The following DHX16 variants were observed in gnomAD, a reference collection of about 807,000 sequenced individuals.
The protein encoded by DHX16 is DEAH-box helicase 16, also known as pre-mRNA-splicing factor ATP-dependent RNA helicase DHX16.
A neutral mutation model predicts 131.2 loss-of-function variants in DHX16; 81 were observed. The observed-to-expected ratio is 0.62, with a 90% CI of 0.52 to 0.74. The LOEUF (loss-of-function observed/expected upper bound fraction) is 0.74. Ranked by LOEUF, DHX16 falls within the 30% of genes least tolerant of loss-of-function variation. The pLI is 0.00. For missense variants in DHX16, 980 were observed against 1,363.1 expected (o/e 0.72, Z 4.43); for synonymous variants, 440 against 520.2 (o/e 0.85, Z 2.10).
intron 19 of DHX16, among the ~76,000 whole-genome samples, chr6:30,653,636 G>A (rs28459331): frequency 3.6e-4 from 1 of 2,742 alleles, no homozygotes; most frequent in African/African-American, 3.0e-3. Context: ...CCAAAGTGCT[G>A]GGATGGTTTA....
At chr6:30,655,062 A>G (rs1378384379) in intron 18 of DHX16, 113 bp downstream of exon 18, 3 of 1,481,622 alleles carry the variant, frequency 2.0e-6, no homozygotes, top group Non-Finnish European at 2.8e-6. Flanking sequence ...CACGTCATAC[A>G]CAAGGGGAAG....
In DHX16 at chr6:30,670,391, C is replaced by A. The variant is rs770188756; in HGVS notation, c.666+19G>T. Reference sequence around the variant, plus strand: ...TCCTTTTGTCTTCTGATCTTGGCTCCCTAGGCCCTGGGACTCACCATGGCC... The same window carrying A: ...TCCTTTTGTCTTCTGATCTTGGCTCACTAGGCCCTGGGACTCACCATGGCC... On this transcript the variant is annotated intron_variant, in intron 4 of 19. Transcript: ENST00000376442. The surrounding 1 kb of genome is among the most constrained non-coding windows in gnomAD (Gnocchi z 4.4). 4 of 1,604,462 alleles carry A rather than the reference C, an allele frequency of 2.5e-6. No homozygotes were observed. Among genetic ancestry groups the A allele is most frequent in the Non-Finnish European group, 3.4e-6 (4 of 1,174,802 alleles).
intron 4 of DHX16, among the ~76,000 whole-genome samples, chr6:30,666,819 GC>G (rs1299736252): frequency 1.3e-5 from 2 of 151,956 alleles, no homozygotes; most frequent in Non-Finnish European, 2.9e-5. Context: ...TAAAAAAAAA[GC>G]CCCTCTGCTG....
Position 30,670,956 on chromosome 6 carries a change from C to A in DHX16, c.447-4G>T, listed in dbSNP as rs562031026. 6.2e-7 allele frequency: 1 copy of A among 1,612,974 alleles called. No individual in the cohort carries two copies. Among genetic ancestry groups the A allele is most frequent in the Non-Finnish European group, 8.5e-7 (1 of 1,180,030 alleles). ...CTCTGTCTGCTGTTTACTCCCCCTG[C>A]AGCCCATCCAGGGGATTAAATAAGG... On this transcript the variant is annotated splice_polypyrimidine_tract_variant and splice_region_variant and intron_variant, in intron 2 of 19. Coordinates refer to ENST00000376442, the MANE Select transcript of DHX16 (RefSeq NM_003587.5). This position sits in a 1 kb window ranked among gnomAD's most constrained non-coding sequence, Gnocchi z 4.4.
intron 4 of DHX16, among the ~76,000 whole-genome samples, chr6:30,669,312 T>A (rs1411061418): frequency 6.6e-6 from 1 of 151,878 alleles, no homozygotes. Flanking sequence ...TCCCAGCTAC[T>A]CAGGAGGCTG....
chr6:30,656,656 G>A lies in DHX16; in HGVS notation c.2252C>T (p.Thr751Ile), dbSNP rs536496808. The A allele has an allele frequency of 1.9e-6, 3 of 1,614,132 alleles. No individual in the cohort carries two copies. The South Asian group carries it at 3.3e-5, about 18-fold the overall frequency. The stretch of plus-strand genomic sequence containing the variant: ...GCTGGTCCTCTGGATCTCAGGCACT[G>A]TGGTTTCCTCAAGCTCGTGCTGATA... Reference protein sequence around the residue: ...WAYQHELEETTVPEIQRTSLG... With the variant: ...WAYQHELEETIVPEIQRTSLG... The change falls in exon 14 of 20, where the codon ACA (threonine) becomes ATA (isoleucine). Residue 751 changes from threonine (T) to isoleucine (I), a missense_variant. This residue lies in a region of DHX16 where 309 missense variants were observed against 537.1 expected (regional missense o/e 0.58). Coordinates refer to ENST00000376442, the MANE Select transcript of DHX16 (RefSeq NM_003587.5). The surrounding 1 kb of genome is among the most constrained non-coding windows in gnomAD (Gnocchi z 5.1).
chr6:30,668,695 A>G (rs1456794031), intron 4 of DHX16, among the ~76,000 whole-genome samples: 1 of 152,046 alleles, frequency 6.6e-6, no homozygotes, highest in Admixed American at 6.6e-5. Flanking sequence ...CAGTAACACC[A>G]CTACCACCAC....
rs779490509 is a variant in DHX16 at position 30,655,216 on chromosome 6, C to G, written c.2782G>C (p.Gly928Arg). 15 of 1,614,080 alleles carry G rather than the reference C, an allele frequency of 9.3e-6. No individual in the cohort carries two copies. The African/African-American group carries it at 1.9e-4, about 20-fold the overall frequency. Residue 928 changes from glycine (G) to arginine (R), a missense_variant, in exon 18 of 20, where the codon GGT becomes CGT. Coordinates refer to ENST00000376442, the MANE Select transcript of DHX16 (RefSeq NM_003587.5). ...TAGTCCCCCTGGCAGGAACTGAGAC[C>G]AACTTCCACACGTTCCAAGAGCCCT... ...LEGLLERVEV[G>R]LSSCQGDYIR... is the part of the protein sequence containing the mutation.
At chr6:30,660,530 T>C (rs1055169950) in intron 9 of DHX16, 10 of 361,228 alleles carry the variant, frequency 2.8e-5, no homozygotes, top group African/African-American at 1.7e-4. Context: ...TACCCTCTAG[T>C]TCAGTCAAGA....
At chr6:30,660,276 G>A in intron 9 of DHX16, 34 bp from the exon 10 acceptor site, 1 of 1,491,526 alleles carries the variant, frequency 6.7e-7, no homozygotes, top group Non-Finnish European at 9.0e-7. Context: ...TGAGGGAAGA[G>A]CGCTAGGCAA....
Position 30,662,544 on chromosome 6 carries a change from A to G in DHX16, c.1544+83T>C. The G allele has an allele frequency of 8.3e-7, 1 of 1,204,650 alleles. No individual in the cohort carries two copies. The highest frequency in any genetic ancestry group is 1.2e-6 in the Non-Finnish European group (1 of 822,972). 74.6% of individuals were successfully genotyped at this position (1,204,650 alleles called of 1,614,324 possible). ...AGGACCATTTGAACCACAAAGATTCAAGAACGGGTGGATTAATCAGAAGAC... is the reference window on the plus strand; with the variant it reads ...AGGACCATTTGAACCACAAAGATTCGAGAACGGGTGGATTAATCAGAAGAC... On this transcript the variant is annotated intron_variant, in intron 9 of 19. Transcript: ENST00000376442. This position sits in a 1 kb window ranked among gnomAD's most constrained non-coding sequence, Gnocchi z 4.7.
rs751750669 is a variant in DHX16, at chr6:30,656,413, T to C, written c.2408A>G (p.Asn803Ser). ...LEQLYALGAL[N>S]HLGELTTSGR... ...CACCGTGGTGAGCTCCCCAAGGTGGTTGAGGGCTCCCAGAGCATACAGCTG... is the reference window on the plus strand; with the variant it reads ...CACCGTGGTGAGCTCCCCAAGGTGGCTGAGGGCTCCCAGAGCATACAGCTG... The change falls in exon 15 of 20, where the codon AAC (asparagine) becomes AGC (serine). Residue 803 changes from asparagine to serine, a missense_variant. Transcript: ENST00000376442. This position sits in a 1 kb window ranked among gnomAD's most constrained non-coding sequence, Gnocchi z 5.1. The C allele has an allele frequency of 8.1e-6, 13 of 1,614,092 alleles. No homozygotes were observed. Among genetic ancestry groups the C allele is most frequent in the Non-Finnish European group, 1.1e-5 (13 of 1,179,998 alleles).
At chr6:30,655,363 G>C in intron 17 of DHX16, 27 bp from the exon 18 acceptor site, 1 of 1,613,796 alleles carries the variant, frequency 6.2e-7, no homozygotes. Flanking sequence ...AAAGAAAGGA[G>C]AGATAATTAA....
chr6:30,668,908 C>G (rs763704187), intron 4 of DHX16, among the ~76,000 whole-genome samples: 5 of 151,438 alleles, frequency 3.3e-5, no homozygotes, highest in African/African-American at 1.2e-4. Flanking sequence ...GAGTTCAAGA[C>G]CAGCCTGACC....
rs754374130 is a variant in DHX16 at position 30,656,383 on chromosome 6, C to T, written c.2430+8G>A. The T allele has an allele frequency of 7.4e-6, 12 of 1,613,368 alleles. No individual in the cohort carries two copies. In the South Asian group the frequency reaches 8.8e-5, roughly 12 times the overall value. ...TCCTGCCTCCACCCATGCTGTCCCCCGACTCACCGTGGTGAGCTCCCCAAG... is the reference window on the plus strand; with the variant it reads ...TCCTGCCTCCACCCATGCTGTCCCCTGACTCACCGTGGTGAGCTCCCCAAG... On this transcript the variant is annotated splice_region_variant and intron_variant, in intron 15 of 19. Transcript: ENST00000376442. This position sits in a 1 kb window ranked among gnomAD's most constrained non-coding sequence, Gnocchi z 5.1.
chr6:30,665,036 G>T lies in DHX16; in HGVS notation c.1125+35C>A. The T allele has an allele frequency of 3.7e-6, 6 of 1,613,808 alleles. No homozygotes were observed. The highest frequency in any genetic ancestry group is 4.2e-6 in the Non-Finnish European group (5 of 1,179,834). Reference sequence around the variant, plus strand: ...GTGTGAGCTAAATAGCTCGCTACGGGTCTTCCTCAGAAAGTCTCCCAGCTC... The same window carrying T: ...GTGTGAGCTAAATAGCTCGCTACGGTTCTTCCTCAGAAAGTCTCCCAGCTC... On this transcript the variant is annotated intron_variant, in intron 6 of 19. Transcript: ENST00000376442. This position sits in a 1 kb window ranked among gnomAD's most constrained non-coding sequence, Gnocchi z 4.8.
At position 30,662,982 on chromosome 6, in the gene DHX16, G is replaced by A. The variant is rs895940082; in HGVS notation, c.1357C>T (p.Pro453Ser). ...NKGMKIACTQ[P>S]RRVAAMSVAA... ...ACACTCATGGCAGCCACTCTCCGGGGTTGGGTGCAGGCAATCTTCATACCC... is the reference window on the plus strand; with the variant it reads ...ACACTCATGGCAGCCACTCTCCGGGATTGGGTGCAGGCAATCTTCATACCC... Residue 453 changes from proline (P) to serine (S), a missense_variant, in exon 8 of 20, where the codon CCC (proline) becomes TCC (serine). Physicochemically the swap from Pro to Ser is moderately conservative, Grantham distance 74. This residue lies in a region of DHX16 where 309 missense variants were observed against 537.1 expected (regional missense o/e 0.58). Transcript: ENST00000376442. The surrounding 1 kb of genome is among the most constrained non-coding windows in gnomAD (Gnocchi z 4.7). 6.2e-7 allele frequency: 1 copy of A among 1,613,574 alleles called. No homozygotes were observed. The highest frequency in any genetic ancestry group is 8.5e-7 in the Non-Finnish European group (1 of 1,180,030).
chr6:30,664,714 TA>T, intron 7 of DHX16, 86 bp downstream of exon 7: 1 of 1,251,054 alleles, frequency 8.0e-7, no homozygotes, highest in Non-Finnish European at 1.1e-6. Context: ...AAGTGACTAC[TA>T]AAAATATAAT....
chr6:30,664,551 A>C (rs1297177188), intron 7 of DHX16, among the ~76,000 whole-genome samples: 1 of 151,524 alleles, frequency 6.6e-6, no homozygotes, highest in Non-Finnish European at 1.5e-5. Flanking sequence ...GCCACGTTGG[A>C]GCATAGGGAG....
Sources: allele counts gnomAD v4.1 joint callset (sites outside exome capture counted in the v4.1 genomes callset), GRCh38; gene constraint gnomAD v4.1.1; regional missense constraint gnomAD v4.1.1; non-coding constraint Gnocchi (gnomAD v3.1); transcripts MANE v1.5; gene names NCBI Gene and HGNC (gene_info 2026-07-23, HGNC 2026-07-21).